Variants in C8orf34 observed in about 807,000 individuals in gnomAD.
C8orf34 encodes the protein chromosome 8 open reading frame 34, also known as uncharacterized protein C8orf34.
Under a neutral mutation model 68.3 loss-of-function variants are expected in C8orf34, and 65 were observed. The ratio of observed to expected loss-of-function variants is 0.95; its 90% CI spans 0.78 to 1.17. The LOEUF (loss-of-function observed/expected upper bound fraction) is 1.17, where lower values mean the gene tolerates loss of function less well. Ranked by LOEUF, C8orf34 falls within the 50% of genes most tolerant of loss-of-function variation. The probability of loss-of-function intolerance (pLI) is 0.00; values close to 1 mark genes in which losing one functional copy is unlikely to be tolerated. For synonymous variants in C8orf34, 244 were observed against 241.2 expected (o/e 1.01, Z -0.11); for missense variants, 664 against 655.4 (o/e 1.01, Z -0.14).
intron 7 of C8orf34, among the ~76,000 whole-genome samples, chr8:68,594,655 T>G (rs1442794792): frequency 1.3e-5 from 2 of 152,124 alleles, no homozygotes. Flanking sequence ...CAGTTTTATA[T>G]TTCTATGTTC....
intron 7 of C8orf34, among the ~76,000 whole-genome samples, chr8:68,623,415 C>T (rs1818444510): frequency 6.6e-6 from 1 of 152,116 alleles, no homozygotes; most frequent in Non-Finnish European, 1.5e-5. Flanking sequence ...CCCCACCCCA[C>T]CCTCAGTTAT....
intron 5 of C8orf34, among the ~76,000 whole-genome samples, chr8:68,511,487 G>A (rs1289381353): frequency 3.3e-5 from 5 of 152,156 alleles, no homozygotes; most frequent in Non-Finnish European, 7.3e-5. Context: ...AGTCAGGATG[G>A]AGCAGGTGAC....
At chr8:68,349,140 G>A (rs894871499) in intron 1 of C8orf34, among the ~76,000 whole-genome samples, 39 of 151,696 alleles carry the variant, frequency 2.6e-4, no homozygotes, top group Admixed American at 2.1e-3. Flanking sequence ...TTATTTTGAG[G>A]TATGTTTCTT....
At chr8:68,487,082 G>T (rs1813111114) in intron 4 of C8orf34, among the ~76,000 whole-genome samples, 1 of 152,172 alleles carries the variant, frequency 6.6e-6, no homozygotes, top group Admixed American at 6.5e-5. Context: ...GTTGATAATG[G>T]AATGCCCACA....
intron 1 of C8orf34, among the ~76,000 whole-genome samples, chr8:68,376,737 G>A (rs1807819852): frequency 6.6e-6 from 1 of 151,874 alleles, no homozygotes; most frequent in Non-Finnish European, 1.5e-5. Context: ...CCTTTTGAAG[G>A]AAACCCATAC....
intron 10 of C8orf34, among the ~76,000 whole-genome samples, chr8:68,751,727 A>G (rs1585829338): frequency 6.6e-6 from 1 of 152,148 alleles, no homozygotes; most frequent in Non-Finnish European, 1.5e-5. Flanking sequence ...AGTAAACAAA[A>G]AATATGACAA....
intron 3 of C8orf34, among the ~76,000 whole-genome samples, chr8:68,460,925 G>A (rs933216781): frequency 3.9e-5 from 6 of 152,210 alleles, no homozygotes; most frequent in East Asian, 1.9e-4. Flanking sequence ...CACCAGCAAC[G>A]GAACAAAGCT....
At chr8:68,441,788 T>G (rs757612475) in intron 2 of C8orf34, among the ~76,000 whole-genome samples, 24 of 152,206 alleles carry the variant, frequency 1.6e-4, no homozygotes, top group Non-Finnish European at 3.2e-4. Flanking sequence ...TTCTACTGTT[T>G]CAAAGCAAGT....
chr8:68,783,979 AT>A (rs1210248161), intron 11 of C8orf34, among the ~76,000 whole-genome samples: 2 of 152,208 alleles, frequency 1.3e-5, no homozygotes, highest in Non-Finnish European at 2.9e-5. Context: ...AGTTTTAACT[AT>A]TACTGATACT....
At chr8:68,731,300 T>C (rs978733366) in intron 10 of C8orf34, among the ~76,000 whole-genome samples, 16 of 152,222 alleles carry the variant, frequency 1.1e-4, no homozygotes, top group Admixed American at 8.5e-4. Context: ...ATCAAGATCA[T>C]ATTTCTGCTT....
intron 7 of C8orf34, among the ~76,000 whole-genome samples, chr8:68,608,172 T>G (rs954179957): frequency 1.3e-4 from 19 of 151,962 alleles, no homozygotes; most frequent in African/African-American, 4.6e-4. Flanking sequence ...GTACTCTGTA[T>G]GTGGGAAAGA....
intron 7 of C8orf34, among the ~76,000 whole-genome samples, chr8:68,566,089 A>G (rs530901742): frequency 6.6e-6 from 1 of 152,330 alleles, no homozygotes; most frequent in East Asian, 1.9e-4. Context: ...GATATTTACA[A>G]TTATACATCC....
At chr8:68,516,099 TAA>T (rs2129633728) in intron 5 of C8orf34, among the ~76,000 whole-genome samples, 1 of 152,208 alleles carries the variant, frequency 6.6e-6, no homozygotes, top group South Asian at 2.1e-4. Flanking sequence ...ATCCAAACCT[TAA>T]GAGTTCATAA....
At chr8:68,785,353 T>C (rs1452508412) in intron 11 of C8orf34, among the ~76,000 whole-genome samples, 2 of 152,230 alleles carry the variant, frequency 1.3e-5, no homozygotes, top group African/African-American at 2.4e-5. Flanking sequence ...CTCTTTCCCC[T>C]GCTTATCTGT....
chr8:68,369,540 G>C (rs368616708), intron 1 of C8orf34, among the ~76,000 whole-genome samples: 7 of 152,284 alleles, frequency 4.6e-5, no homozygotes, highest in Admixed American at 3.3e-4. Flanking sequence ...TAATGTATCA[G>C]AAGTTGGTAC....
intron 1 of C8orf34, among the ~76,000 whole-genome samples, chr8:68,435,621 T>C (rs940714072): frequency 1.3e-5 from 2 of 152,180 alleles, no homozygotes; most frequent in Non-Finnish European, 2.9e-5. Flanking sequence ...CTGCCTGCAT[T>C]CAACTCCGAA....
rs143313347 is a variant in C8orf34 at position 68,764,262 on chromosome 8, A to G, written c.1405-12137A>G. 9.1e-3 allele frequency among the ~76,000 whole-genome samples: 1,385 copies of G among 152,332 alleles called. 18 individuals are homozygous for G. Among genetic ancestry groups the G allele is most frequent in the African/African-American group, 0.03 (1,229 of 41,574 alleles). On this transcript the variant is annotated intron_variant, in intron 10 of 13. Coordinates refer to ENST00000518698, the MANE Select transcript of C8orf34 (RefSeq NM_052958.4). ...TGCCAAATTCTGGTGCAGAACTTGA[A>G]GGAATACAGGAATTCTAAATTTGAA...
intron 8 of C8orf34, among the ~76,000 whole-genome samples, chr8:68,679,141 G>A (rs1820286640): frequency 6.6e-6 from 1 of 151,934 alleles, no homozygotes; most frequent in East Asian, 1.9e-4. Context: ...CAAAAAATTA[G>A]CCAGGCATGG....
At chr8:68,473,552 G>C (rs950152506) in intron 4 of C8orf34, among the ~76,000 whole-genome samples, 2 of 152,034 alleles carry the variant, frequency 1.3e-5, no homozygotes, top group African/African-American at 4.8e-5. Context: ...AAGCTTCCAG[G>C]TTGCTTGTCT....
Sources: allele counts gnomAD v4.1 joint callset (sites outside exome capture counted in the v4.1 genomes callset), GRCh38; gene constraint gnomAD v4.1.1; transcripts MANE v1.5; gene names NCBI Gene and HGNC (gene_info 2026-07-23, HGNC 2026-07-21).